The following DPCD variants were observed in gnomAD, a reference collection of about 807,000 sequenced individuals.
DPCD encodes deleted in primary ciliary dyskinesia homolog (mouse).
In DPCD, 20 loss-of-function variants were observed where a neutral mutation model predicts 26.4. The ratio of observed to expected loss-of-function variants is 0.76; its 90% CI spans 0.53 to 1.10. DPCD has a LOEUF of 1.10. DPCD is among the 50% of genes least tolerant of loss of function. The pLI, the probability that DPCD is intolerant of heterozygous loss-of-function variation, is 0.00. For missense variants in DPCD, 202 were observed against 253.9 expected (o/e 0.80, Z 1.39); for synonymous variants, 97 against 94.2 (o/e 1.03, Z -0.17).
intron 4 of DPCD, among the ~76,000 whole-genome samples, chr10:101,605,609 C>A (rs2063728492): frequency 6.6e-6 from 1 of 152,170 alleles, no homozygotes; most frequent in Non-Finnish European, 1.5e-5. Context: ...CTTTTGAAGA[C>A]TTTTGACATT....
intron 4 of DPCD, among the ~76,000 whole-genome samples, chr10:101,604,445 C>G (rs1365996631): frequency 1.3e-5 from 2 of 152,346 alleles, no homozygotes; most frequent in Non-Finnish European, 2.9e-5. Context: ...GCCAGAGTTT[C>G]TTTACCCATA....
At chr10:101,602,125 T>A (rs2063702844) in intron 4 of DPCD, among the ~76,000 whole-genome samples, 1 of 152,148 alleles carries the variant, frequency 6.6e-6, no homozygotes, top group South Asian at 2.1e-4. Flanking sequence ...GAGAATACAG[T>A]CTAGGGACAA....
chr10:101,598,725 A>G (rs1353925985), intron 2 of DPCD, among the ~76,000 whole-genome samples: 2 of 147,796 alleles, frequency 1.4e-5, no homozygotes, highest in Admixed American at 1.4e-4. Context: ...CCCAGGTTCA[A>G]GCGATTCTCC....
chr10:101,605,557 A>AGG lies in DPCD; in HGVS notation c.405-3276_405-3275dup, dbSNP rs749276115. Among the ~76,000 whole-genome samples the AGG allele has an allele frequency of 1.6e-4, 24 of 152,342 alleles. No individual in the cohort carries two copies. In the East Asian group the frequency reaches 3.9e-3, roughly 24 times the overall value. On this transcript the variant is annotated intron_variant, in intron 4 of 5. Coordinates refer to ENST00000370151, the MANE Select transcript of DPCD (RefSeq NM_015448.3). ...AGTGACCTGTCCGGGGTCACAAGGC[A>AGG]GGGCCAGGAGTTCTGCTACAAGCCT...
intron 2 of DPCD, among the ~76,000 whole-genome samples, chr10:101,596,853 A>T (rs2063655356): frequency 6.6e-6 from 1 of 151,904 alleles, no homozygotes; most frequent in Non-Finnish European, 1.5e-5. Context: ...CTAGCTAAGT[A>T]TACAAATTTG....
chr10:101,602,574 T>C lies in DPCD; in HGVS notation c.404+1238T>C, dbSNP rs376878979. Among the ~76,000 whole-genome samples, 22 of 152,372 alleles carry C rather than the reference T, an allele frequency of 1.4e-4. 1 individual carries two copies. In the East Asian group the frequency reaches 3.9e-3, roughly 27 times the overall value. On this transcript the variant is annotated intron_variant, in intron 4 of 5. Coordinates refer to ENST00000370151, the MANE Select transcript of DPCD (RefSeq NM_015448.3). The stretch of plus-strand genomic sequence containing the variant: ...AAGGGTTTGTGTTTATAAAGCACTT[T>C]GAAGCCCTCAGATAAGAGGCAGTTT...
At chr10:101,597,477 G>C (rs1445272469) in intron 2 of DPCD, among the ~76,000 whole-genome samples, 1 of 152,202 alleles carries the variant, frequency 6.6e-6, no homozygotes. Context: ...GGAGCTTTGG[G>C]GAAAGAGGCC....
intron 4 of DPCD, among the ~76,000 whole-genome samples, chr10:101,608,189 A>C (rs1451395439): frequency 6.6e-6 from 1 of 152,044 alleles, no homozygotes; most frequent in Non-Finnish European, 1.5e-5. Context: ...AAAATGGAGG[A>C]GTAGGGACTT....
Position 101,601,233 on chromosome 10 carries a change from A to G in DPCD, c.301A>G (p.Ser101Gly), listed in dbSNP as rs1396652233. The G allele has an allele frequency of 1.2e-6, 2 of 1,613,508 alleles. No homozygotes were observed. Among genetic ancestry groups the G allele is most frequent in the Non-Finnish European group, 1.7e-6 (2 of 1,179,878 alleles). Residue 101 changes from serine to glycine, a missense_variant, in exon 4 of 6, where the codon AGT becomes GGT. Physicochemically the swap from Ser to Gly is moderately conservative, Grantham distance 56. This residue lies in a region of DPCD where 118 missense variants were observed against 145.1 expected (regional missense o/e 0.81). Coordinates refer to ENST00000370151, the MANE Select transcript of DPCD (RefSeq NM_015448.3). ...CTTCATGCGCAAGGACACCAAGATG[A>G]GTTTCCAGTGGCGGATTCGAAACCT... ...PIFMRKDTKM[S>G]FQWRIRNLPY... is the part of the protein sequence containing the mutation.
intron 1 of DPCD, among the ~76,000 whole-genome samples, chr10:101,591,032 G>A (rs774875700): frequency 3.3e-5 from 5 of 152,156 alleles, no homozygotes; most frequent in African/African-American, 1.2e-4. Flanking sequence ...CTGTAATATC[G>A]TTCATAAAGT....
intron 4 of DPCD, among the ~76,000 whole-genome samples, chr10:101,604,070 T>A (rs1183159306): frequency 2.0e-5 from 3 of 152,222 alleles, no homozygotes; most frequent in Non-Finnish European, 4.4e-5. Context: ...GTGGCCATTC[T>A]GGCAGGTGGG....
At chr10:101,598,804 A>G (rs2063672442) in intron 2 of DPCD, among the ~76,000 whole-genome samples, 1 of 151,836 alleles carries the variant, frequency 6.6e-6, no homozygotes, top group Admixed American at 6.6e-5. Flanking sequence ...TTTTATTTTT[A>G]GTAGAGACGG....
intron 4 of DPCD, chr10:101,605,326 G>T (rs1030911279): frequency 3.4e-6 from 5 of 1,459,982 alleles, no homozygotes; most frequent in African/African-American, 1.4e-5. Context: ...GGGTTGAAAG[G>T]CTGGATTGGG....
intron 2 of DPCD, among the ~76,000 whole-genome samples, chr10:101,596,962 C>A (rs375803435): frequency 1.1e-4 from 17 of 152,090 alleles, no homozygotes; most frequent in East Asian, 5.8e-4. Flanking sequence ...GAGTTCCTCC[C>A]GTCGGTGTTA....
chr10:101,588,768 G>C, intron 1 of DPCD: 5 of 801,098 alleles, frequency 6.2e-6, no homozygotes, highest in Non-Finnish European at 7.6e-6. Context: ...AGAGAGGAGA[G>C]AGGCCTGGGC....
At chr10:101,604,155 T>C (rs952225454) in intron 4 of DPCD, among the ~76,000 whole-genome samples, 6 of 152,238 alleles carry the variant, frequency 3.9e-5, no homozygotes, top group Admixed American at 3.9e-4. Context: ...TTTAAGGATA[T>C]AGTACATTTA....
At chr10:101,595,322 C>CA (rs2063643017) in intron 2 of DPCD, among the ~76,000 whole-genome samples, 1 of 152,284 alleles carries the variant, frequency 6.6e-6, no homozygotes, top group Non-Finnish European at 1.5e-5. Flanking sequence ...GGCTCCAGCT[C>CA]AGATTTCTGG....
At chr10:101,598,765 C>T (rs2063672161) in intron 2 of DPCD, among the ~76,000 whole-genome samples, 7 of 152,058 alleles carry the variant, frequency 4.6e-5, no homozygotes, top group Admixed American at 4.6e-4. Context: ...GCTGGGACTA[C>T]AGGCGTGTGC....
intron 1 of DPCD, among the ~76,000 whole-genome samples, chr10:101,593,453 GCT>G (rs779215360): frequency 2.0e-5 from 3 of 152,168 alleles, no homozygotes; most frequent in Admixed American, 6.5e-5. Flanking sequence ...GGATGTTAGT[GCT>G]CTGTTACTAG....
Sources: allele counts gnomAD v4.1 joint callset (sites outside exome capture counted in the v4.1 genomes callset), GRCh38; gene constraint gnomAD v4.1.1; regional missense constraint gnomAD v4.1.1; transcripts MANE v1.5; gene names NCBI Gene and HGNC (gene_info 2026-07-23, HGNC 2026-07-21).